SYNCRIP: variants seen among roughly 807,000 people sequenced by gnomAD.
The protein encoded by SYNCRIP is synaptotagmin binding cytoplasmic RNA interacting protein.
SYNCRIP carries 9 observed loss-of-function variants against 68.9 expected under a neutral mutation model. That is an observed-to-expected ratio of 0.13 (90% confidence interval 0.08 to 0.23). The LOEUF (loss-of-function observed/expected upper bound fraction) is 0.23, where lower values mean the gene tolerates loss of function less well. Ranked by LOEUF, SYNCRIP falls within the 10% of genes least tolerant of loss-of-function variation. The pLI is 1.00. For missense variants in SYNCRIP, 414 were observed against 770.6 expected (o/e 0.54, Z 5.48); for synonymous variants, 258 against 254.0 (o/e 1.02, Z -0.15).
At chr6:85,643,662 G>T (rs953573146), upstream of SYNCRIP, 1 of 122,110 alleles carries the variant, frequency 8.2e-6, no homozygotes, top group African/African-American at 3.0e-5. Flanking sequence ...CCGAGCTCCC[G>T]CCCGCCCCAT....
rs570717999 is a variant in SYNCRIP, at chr6:85,637,344, T to C, written c.388A>G (p.Arg130Gly). Reference protein sequence around the residue: ...DEAKIKALLERTGYTLDVTTG... With the variant: ...DEAKIKALLEGTGYTLDVTTG... ...GTCACATCAAGTGTGTAGCCTGTTC[T>C]TTCCAAGAGTGCCTTGAAAAGTTCA... Residue 130 changes from arginine (R) to glycine (G), a missense_variant, in exon 5 of 11, where the codon AGA becomes GGA. Arg to Gly is a moderately radical substitution (Grantham distance 125). This residue lies in a region of SYNCRIP where 110 missense variants were observed against 269.3 expected (regional missense o/e 0.41). Coordinates refer to ENST00000369622, the MANE Select transcript of SYNCRIP (RefSeq NM_006372.5). 5.6e-6 allele frequency: 9 copies of C among 1,610,490 alleles called. No homozygotes were observed. The highest frequency in any genetic ancestry group is 7.6e-6 in the Non-Finnish European group (9 of 1,178,962).
At chr6:85,639,057 A>T (rs1350036612) in intron 4 of SYNCRIP, among the ~76,000 whole-genome samples, 1 of 152,074 alleles carries the variant, frequency 6.6e-6, no homozygotes, top group Non-Finnish European at 1.5e-5. Context: ...AAAATACAAA[A>T]ATCAGCTGGG....
At chr6:85,610,324 C>T (rs1226549349), downstream of SYNCRIP, 1 of 151,914 alleles carries the variant, frequency 6.6e-6, no homozygotes, top group Non-Finnish European at 1.5e-5. Flanking sequence ...GGCTTGAATT[C>T]AAAGTCATTC....
chr6:85,620,496 G>GT (rs1215783209), intron 8 of SYNCRIP, among the ~76,000 whole-genome samples: 5 of 152,342 alleles, frequency 3.3e-5, no homozygotes, highest in Admixed American at 3.3e-4. Context: ...GTGACTGCCA[G>GT]TGGTTGAATG....
At chr6:85,628,394 C>T (rs1379202670) in intron 6 of SYNCRIP, among the ~76,000 whole-genome samples, 1 of 152,156 alleles carries the variant, frequency 6.6e-6, no homozygotes, top group Non-Finnish European at 1.5e-5. Context: ...TTACAATAAG[C>T]CAAAATCTAC....
intron 6 of SYNCRIP, among the ~76,000 whole-genome samples, chr6:85,633,679 T>A (rs554853832): frequency 6.7e-6 from 1 of 149,424 alleles, no homozygotes; most frequent in South Asian, 2.1e-4. Flanking sequence ...CCATTGGAAA[T>A]TTTTTTTTTC....
At chr6:85,628,054 TTTC>T (rs1259078159) in intron 6 of SYNCRIP, among the ~76,000 whole-genome samples, 1 of 152,062 alleles carries the variant, frequency 6.6e-6, no homozygotes, top group South Asian at 2.1e-4. Flanking sequence ...ACATTGAAGA[TTTC>T]TTTTTTTTTT....
chr6:85,637,238 T>C lies in SYNCRIP; in HGVS notation c.489+5A>G. 1 of 1,612,886 alleles carries C rather than the reference T, an allele frequency of 6.2e-7. No individual in the cohort carries two copies. The highest frequency in any genetic ancestry group is 8.5e-7 in the Non-Finnish European group (1 of 1,179,492). On this transcript the variant is annotated splice_donor_5th_base_variant and intron_variant, in intron 5 of 10. Transcript: ENST00000369622. ...ACAAAAGGTACAAGTTTTTAGTTGC[T>C]TTACCTCAGTGCCAACAGAAGGCTG...
rs1805582126 is a variant in SYNCRIP, at chr6:85,614,854, G to C, written c.1774C>G (p.Gln592Glu). Residue 592 changes from glutamine (Q) to glutamate (E), a missense_variant, in exon 11 of 11, where the codon CAG (glutamine) becomes GAG (glutamate). By Grantham distance (29) the Gln-to-Glu change is conservative. Around this residue, in one of 6 missense-constraint regions of SYNCRIP, gnomAD observed 130 missense variants for 149.0 expected, o/e 0.87. Coordinates refer to ENST00000369622, the MANE Select transcript of SYNCRIP (RefSeq NM_006372.5). ...NQNWGSQPIA[Q>E]QPLQGGDHSG... ...TGATCACCACCTTGGAGCGGTTGCT[G>C]AGCAATGGGTTGGGAGCCCCAGTTC... 1 of 1,614,140 alleles carries C rather than the reference G, an allele frequency of 6.2e-7. No homozygotes were observed. The highest frequency in any genetic ancestry group is 1.3e-5 in the African/African-American group (1 of 75,022).
At chr6:85,634,999 T>C (rs1051737558) in intron 6 of SYNCRIP, among the ~76,000 whole-genome samples, 11 of 152,062 alleles carry the variant, frequency 7.2e-5, no homozygotes, top group African/African-American at 2.7e-4. Flanking sequence ...ACCCCATCTC[T>C]ACCAAATATA....
At chr6:85,617,376 A>G (rs910118013) in intron 10 of SYNCRIP, among the ~76,000 whole-genome samples, 2 of 152,292 alleles carry the variant, frequency 1.3e-5, no homozygotes, top group South Asian at 4.1e-4. Context: ...ATCTAATATA[A>G]TCTCCTATAC....
intron 6 of SYNCRIP, among the ~76,000 whole-genome samples, chr6:85,628,572 T>C (rs949556963): frequency 2.0e-5 from 3 of 152,158 alleles, no homozygotes; most frequent in African/African-American, 7.2e-5. Flanking sequence ...AAGAGTGACA[T>C]TCTAACACAA....
intron 6 of SYNCRIP, 34 bp downstream of exon 6, chr6:85,636,933 C>T (rs766955589): frequency 8.0e-5 from 124 of 1,553,932 alleles, no homozygotes; most frequent in South Asian, 9.9e-5. Context: ...AGACAGTGAA[C>T]GTGAAAACTG....
At chr6:85,620,432 A>G (rs1311803527) in intron 8 of SYNCRIP, among the ~76,000 whole-genome samples, 1 of 152,236 alleles carries the variant, frequency 6.6e-6, no homozygotes, top group South Asian at 2.1e-4. Flanking sequence ...TGAAGGTTAC[A>G]TAATGTATGG....
At chr6:85,612,621 T>C (rs962463781), downstream of SYNCRIP, 2 of 315,824 alleles carry the variant, frequency 6.3e-6, no homozygotes, top group Non-Finnish European at 1.2e-5. Flanking sequence ...CTAGGAGTTA[T>C]GAAGGATTTC....
intron 6 of SYNCRIP, among the ~76,000 whole-genome samples, chr6:85,628,731 A>T (rs956703521): frequency 4.6e-5 from 7 of 152,350 alleles, no homozygotes; most frequent in African/African-American, 1.7e-4. Flanking sequence ...ACAGCTTGTT[A>T]AACTAGTGTA....
In SYNCRIP at chr6:85,614,172, A is replaced by T. The variant is rs1805506557; in HGVS notation, c.*584T>A. 10 of 985,896 alleles carry T rather than the reference A, an allele frequency of 1.0e-5. No individual in the cohort carries two copies. Among genetic ancestry groups the T allele is most frequent in the Non-Finnish European group, 1.1e-5 (9 of 829,942 alleles). The allele number at this position is 985,896 out of a possible 1,614,324, so 61.1% of individuals were successfully genotyped here. On this transcript the variant is annotated 3_prime_UTR_variant, in exon 11 of 11. Coordinates refer to ENST00000369622, the MANE Select transcript of SYNCRIP (RefSeq NM_006372.5). ...TACAATTTGAACCAAATTTGCAGGA[A>T]ATTTTGTGAAAAACGAATTGTAAAC... is the stretch of plus-strand genomic sequence containing the variant.
chr6:85,641,218 T>C, intron 2 of SYNCRIP, 74 bp downstream of exon 2: 1 of 1,277,928 alleles, frequency 7.8e-7, no homozygotes, highest in Non-Finnish European at 1.1e-6. Context: ...CCACAAAAAG[T>C]TGCTATTTTA....
chr6:85,614,888 G>A lies in SYNCRIP; in HGVS notation c.1740C>T (p.Thr580=). ...GTTGGGAGCCCCAGTTCTGATTATT[G>A]GTCTGGCGCCGCTTGGAATCTGGCT... ...YNQPDSKRRQ[T]NNQNWGSQPI... Residue 580 remains threonine (T), a synonymous_variant, in exon 11 of 11, where the codon ACC becomes ACT. Coordinates refer to ENST00000369622, the MANE Select transcript of SYNCRIP (RefSeq NM_006372.5). 1 of 1,614,154 alleles carries A rather than the reference G, an allele frequency of 6.2e-7. No individual in the cohort carries two copies. The highest frequency in any genetic ancestry group is 8.5e-7 in the Non-Finnish European group (1 of 1,180,038).
Sources: allele counts gnomAD v4.1 joint callset (sites outside exome capture counted in the v4.1 genomes callset), GRCh38; gene constraint gnomAD v4.1.1; regional missense constraint gnomAD v4.1.1; transcripts MANE v1.5; gene names NCBI Gene and HGNC (gene_info 2026-07-23, HGNC 2026-07-21).